The following ZNF410 variants were observed in gnomAD, a reference collection of about 807,000 sequenced individuals.
ZNF410 encodes the protein another partner for ARF 1.
In ZNF410, 18 loss-of-function variants were observed where a neutral mutation model predicts 54.8. The observed-to-expected ratio is 0.33, with a 90% CI of 0.23 to 0.49. The LOEUF is 0.49. Ranked by LOEUF, ZNF410 falls within the 20% of genes least tolerant of loss-of-function variation. The probability of loss-of-function intolerance (pLI) is 0.99; values close to 1 mark genes in which losing one functional copy is unlikely to be tolerated. For missense variants in ZNF410, 405 were observed against 569.6 expected (o/e 0.71, Z 2.94); for synonymous variants, 191 against 207.3 (o/e 0.92, Z 0.68).
At chr14:73,924,018 T>C (rs965386021) in intron 11 of ZNF410, among the ~76,000 whole-genome samples, 1 of 152,122 alleles carries the variant, frequency 6.6e-6, no homozygotes, top group Admixed American at 6.5e-5. Context: ...AGTAACAAAA[T>C]CATTAAACAT....
chr14:73,908,113 A>C (rs1022939161), intron 7 of ZNF410, among the ~76,000 whole-genome samples: 1 of 152,144 alleles, frequency 6.6e-6, no homozygotes, highest in Non-Finnish European at 1.5e-5. Context: ...CTGAAGTCAG[A>C]ATTGGATTAA....
chr14:73,926,916 C>A (rs1278450095), intron 11 of ZNF410, among the ~76,000 whole-genome samples: 2 of 152,138 alleles, frequency 1.3e-5, no homozygotes, highest in South Asian at 2.1e-4. Context: ...GGTGCTCTTG[C>A]TTCCTATTAC....
intron 8 of ZNF410, chr14:73,920,190 T>C (rs940564201): frequency 6.6e-6 from 1 of 152,074 alleles, no homozygotes; most frequent in Non-Finnish European, 1.5e-5. Flanking sequence ...CAATCAGCAA[T>C]GATGATTGCT....
At chr14:73,887,006 C>A (rs975684212) in intron 1 of ZNF410, 91 bp downstream of exon 1, 1 of 152,780 alleles carries the variant, frequency 6.5e-6, no homozygotes, top group Non-Finnish European at 1.5e-5. Flanking sequence ...GGCCTGGGGC[C>A]GAGTTCGCCC....
At chr14:73,901,944 A>AAG (rs2055414053) in intron 5 of ZNF410, among the ~76,000 whole-genome samples, 1 of 151,268 alleles carries the variant, frequency 6.6e-6, no homozygotes. Context: ...AAAAAAAAAA[A>AAG]AAGAAAAAAT....
At chr14:73,911,890 A>G (rs145058335) in intron 8 of ZNF410, among the ~76,000 whole-genome samples, 163 of 152,316 alleles carry the variant, frequency 1.1e-3, no homozygotes, top group Middle Eastern at 0.01. Flanking sequence ...GTTGCAAAAC[A>G]GAGTCAGTTG....
intron 1 of ZNF410, among the ~76,000 whole-genome samples, chr14:73,890,683 GA>G (rs1440555888): frequency 2.0e-4 from 31 of 152,124 alleles, no homozygotes; most frequent in Non-Finnish European, 3.2e-4. Flanking sequence ...CCAAAATCCT[GA>G]AAAGAAACTA....
At chr14:73,893,756 T>TA in intron 2 of ZNF410, 41 bp from the exon 3 acceptor site, 2 of 1,572,866 alleles carry the variant, frequency 1.3e-6, no homozygotes, top group Non-Finnish European at 1.7e-6. Flanking sequence ...GATACATTTC[T>TA]AACAACTCGT....
chr14:73,900,901 G>C, intron 5 of ZNF410, among the ~76,000 whole-genome samples: 1 of 152,178 alleles, frequency 6.6e-6, no homozygotes, highest in East Asian at 1.9e-4. Flanking sequence ...TGTGGTCCAA[G>C]ACATTTCTTC....
At chr14:73,906,015 T>G (rs2055485041) in intron 7 of ZNF410, among the ~76,000 whole-genome samples, 1 of 140,954 alleles carries the variant, frequency 7.1e-6, no homozygotes, top group Non-Finnish European at 1.5e-5. Flanking sequence ...TTTTTTTTTT[T>G]TTGAGATGGA....
chr14:73,895,894 C>T (rs1029928044), intron 3 of ZNF410, among the ~76,000 whole-genome samples: 1 of 152,216 alleles, frequency 6.6e-6, no homozygotes, highest in Non-Finnish European at 1.5e-5. Flanking sequence ...ACTGCAATAG[C>T]TTTTGCACCA....
In ZNF410 at chr14:73,896,378, C is replaced by T. The variant is rs781473329; in HGVS notation, c.232C>T (p.Leu78Phe). Residue 78 changes from leucine to phenylalanine, a missense_variant, in exon 4 of 12, where the codon CTT becomes TTT. This residue lies in a region of ZNF410 where 247 missense variants were observed against 342.8 expected (regional missense o/e 0.72). Transcript: ENST00000555044. ...EVPSSAVLRSLRVNVGPDGEE... is the reference protein window; with the variant it reads ...EVPSSAVLRSFRVNVGPDGEE... ...CCCTTCCTCAGCTGTTTTGAGAAGCCTTCGGGTGAATGTGGGTCCAGACGG... is the reference window on the plus strand; with the variant it reads ...CCCTTCCTCAGCTGTTTTGAGAAGCTTTCGGGTGAATGTGGGTCCAGACGG... 1 of 1,614,154 alleles carries T rather than the reference C, an allele frequency of 6.2e-7. No individual in the cohort carries two copies.
At position 73,921,085 on chromosome 14, in the gene ZNF410, G is replaced by A. The variant is rs1442950478; in HGVS notation, c.1109G>A (p.Ser370Asn). The change falls in exon 9 of 12, where the codon AGT becomes AAT. Residue 370 changes from serine to asparagine, a missense_variant. Physicochemically the swap from Ser to Asn is conservative, Grantham distance 46. This residue lies in a region of ZNF410 where 127 missense variants were observed against 141.3 expected (regional missense o/e 0.90). Coordinates refer to ENST00000555044, the MANE Select transcript of ZNF410 (RefSeq NM_021188.3). The stretch of plus-strand genomic sequence containing the variant: ...CACCTGCAGCTGGGAGCAGCTGGGA[G>A]TCAAGAGCAGGAGCAAACTGGTGAG... ...KHHLQLGAAG[S>N]QEQEQTAEPL... The A allele has an allele frequency of 1.9e-6, 3 of 1,614,104 alleles. No homozygotes were observed. The highest frequency in any genetic ancestry group is 2.5e-6 in the Non-Finnish European group (3 of 1,180,008).
At chr14:73,915,582 A>G (rs1224963625) in intron 8 of ZNF410, 1 of 151,456 alleles carries the variant, frequency 6.6e-6, no homozygotes, top group Non-Finnish European at 1.5e-5. Flanking sequence ...GAAATGATCC[A>G]CCTGCCTCAG....
At position 73,900,460 on chromosome 14, in the gene ZNF410, T is replaced by C. The variant is rs1206771209; in HGVS notation, c.580+2198T>C. Among the ~76,000 whole-genome samples, 3 of 151,588 alleles carry C rather than the reference T, an allele frequency of 2.0e-5. No homozygotes were observed. The East Asian group carries it at 5.9e-4, about 30-fold the overall frequency. On this transcript the variant is annotated intron_variant, in intron 5 of 11. Transcript: ENST00000555044. ...CGCAATCTCGGCTCACTGCAAACTC[T>C]GCCTCCTGGGCTCAAGTGATTCTCT...
intron 11 of ZNF410, 128 bp downstream of exon 11, chr14:73,923,650 T>G: frequency 1.6e-6 from 2 of 1,275,708 alleles, no homozygotes; most frequent in Non-Finnish European, 2.2e-6. Context: ...TTCCTTTAAA[T>G]TAAGCATGAG....
intron 11 of ZNF410, among the ~76,000 whole-genome samples, chr14:73,930,293 T>A (rs1321641780): frequency 6.6e-6 from 1 of 152,210 alleles, no homozygotes; most frequent in Non-Finnish European, 1.5e-5. Context: ...AGATTTTGTT[T>A]AAAAGTCTTT....
chr14:73,907,686 G>C (rs141627481), intron 7 of ZNF410, among the ~76,000 whole-genome samples: 2,423 of 152,216 alleles, frequency 0.016, 55 homozygotes, highest in African/African-American at 0.056. Flanking sequence ...GAGGTCAGGA[G>C]TTCCAGACCA....
At chr14:73,925,339 A>G (rs1280039650) in intron 11 of ZNF410, among the ~76,000 whole-genome samples, 1 of 152,018 alleles carries the variant, frequency 6.6e-6, no homozygotes, top group East Asian at 1.9e-4. Context: ...GGAAATTTTC[A>G]GAGTACAGTG....
Sources: gnomAD v4.1 joint callset for allele counts (sites outside exome capture counted in the v4.1 genomes callset) on GRCh38, gnomAD v4.1.1 for gene constraint, gnomAD v4.1.1 regional missense constraint, MANE v1.5 for transcripts, NCBI Gene and HGNC (gene_info 2026-07-23, HGNC 2026-07-21) for gene names.